ANKIB1: variants seen among roughly 807,000 people sequenced by gnomAD.
ANKIB1 encodes ankyrin repeat and IBR domain-containing protein 1.
A neutral mutation model predicts 122.1 loss-of-function variants in ANKIB1; 43 were observed. The observed-to-expected ratio is 0.35, with a 90% confidence interval of 0.28 to 0.45. ANKIB1 has a LOEUF of 0.45. Ranked by LOEUF, ANKIB1 falls within the 20% of genes least tolerant of loss-of-function variation. ANKIB1 has a pLI of 1.00. For synonymous variants in ANKIB1, 390 were observed against 442.0 expected, an observed-to-expected ratio of 0.88 and a Z score of 1.48; for missense variants, 992 against 1,329.5, an observed-to-expected ratio of 0.75 and a Z score of 3.95.
At chr7:92,304,513 G>A (rs1482990630) in intron 2 of ANKIB1, among the ~76,000 whole-genome samples, 1 of 152,006 alleles carries the variant, frequency 6.6e-6, no homozygotes, top group South Asian at 2.1e-4. Context: ...AAATTTCTTT[G>A]TGATAAGAAC....
At chr7:92,250,407 CAAT>C (rs753562308) in intron 1 of ANKIB1, among the ~76,000 whole-genome samples, 2 of 152,020 alleles carry the variant, frequency 1.3e-5, no homozygotes, top group Non-Finnish European at 2.9e-5. Context: ...ATAAATAAAT[CAAT>C]AAAGCAGATA....
At chr7:92,250,944 C>T (rs1205590236) in intron 1 of ANKIB1, among the ~76,000 whole-genome samples, 3 of 152,130 alleles carry the variant, frequency 2.0e-5, no homozygotes, top group Non-Finnish European at 4.4e-5. Flanking sequence ...ATGATTTTTA[C>T]TACTGGTTAT....
intron 6 of ANKIB1, among the ~76,000 whole-genome samples, chr7:92,344,539 G>C (rs1803500736): frequency 6.6e-6 from 1 of 152,038 alleles, no homozygotes; most frequent in African/African-American, 2.4e-5. Context: ...TCTCTCCCTG[G>C]AAAGTGTGGA....
intron 1 of ANKIB1, among the ~76,000 whole-genome samples, chr7:92,274,325 A>C (rs1167288930): frequency 6.6e-6 from 1 of 152,220 alleles, no homozygotes; most frequent in East Asian, 1.9e-4. Flanking sequence ...AGAAATTTAC[A>C]CAAAATATCA....
intron 11 of ANKIB1, among the ~76,000 whole-genome samples, chr7:92,384,034 A>G (rs1804579029): frequency 6.6e-6 from 1 of 152,228 alleles, no homozygotes; most frequent in African/African-American, 2.4e-5. Flanking sequence ...AGGCAACTTC[A>G]GCAAAGTCTC....
intron 9 of ANKIB1, among the ~76,000 whole-genome samples, chr7:92,358,514 C>T (rs1407027104): frequency 6.7e-6 from 1 of 148,608 alleles, no homozygotes; most frequent in Non-Finnish European, 1.5e-5. Context: ...CATTGATAAG[C>T]AATTACGGCT....
At chr7:92,251,045 G>A (rs1236336421) in intron 1 of ANKIB1, among the ~76,000 whole-genome samples, 1 of 152,132 alleles carries the variant, frequency 6.6e-6, no homozygotes, top group Non-Finnish European at 1.5e-5. Flanking sequence ...TCTTCAGTCT[G>A]ACATATAATT....
At chr7:92,332,128 C>T (rs1562784460) in intron 5 of ANKIB1, among the ~76,000 whole-genome samples, 1 of 152,154 alleles carries the variant, frequency 6.6e-6, no homozygotes, top group Non-Finnish European at 1.5e-5. Context: ...TTTCATTCCC[C>T]TATTAGGGCA....
At chr7:92,310,640 G>A (rs1802674666) in intron 3 of ANKIB1, among the ~76,000 whole-genome samples, 1 of 152,132 alleles carries the variant, frequency 6.6e-6, no homozygotes, top group African/African-American at 2.4e-5. Context: ...AAAATCCACA[G>A]ATGCTCAAAT....
intron 17 of ANKIB1, among the ~76,000 whole-genome samples, chr7:92,394,156 T>A (rs1314137172): frequency 2.0e-5 from 3 of 152,180 alleles, no homozygotes; most frequent in African/African-American, 7.2e-5. Flanking sequence ...ATCTTTACAA[T>A]GTGGATGGTG....
intron 6 of ANKIB1, among the ~76,000 whole-genome samples, chr7:92,344,485 GTGAGCCACCGCGCCCGGCC>G (rs2131977302): frequency 6.6e-6 from 1 of 152,158 alleles, no homozygotes; most frequent in African/African-American, 2.4e-5. Flanking sequence ...GATTACAGGT[GTGAGCCACCGCGCCCGGCC>G]TAATACTTAG....
chr7:92,292,346 T>C (rs1802266508), intron 1 of ANKIB1, among the ~76,000 whole-genome samples: 1 of 152,246 alleles, frequency 6.6e-6, no homozygotes, highest in African/African-American at 2.4e-5. Flanking sequence ...GTAACAGTAA[T>C]ATTTAATGCA....
chr7:92,255,892 G>T (rs1801434093), intron 1 of ANKIB1, among the ~76,000 whole-genome samples: 2 of 152,134 alleles, frequency 1.3e-5, no homozygotes, highest in African/African-American at 4.8e-5. Context: ...AAGGTGTTCT[G>T]TGTGCCAGTA....
chr7:92,346,538 C>G (rs1227846151), intron 7 of ANKIB1, among the ~76,000 whole-genome samples: 1 of 152,166 alleles, frequency 6.6e-6, no homozygotes, highest in African/African-American at 2.4e-5. Flanking sequence ...CTAGATTCTA[C>G]TCAGAGTCTA....
chr7:92,259,927 T>C (rs1801525473), intron 1 of ANKIB1, among the ~76,000 whole-genome samples: 2 of 152,164 alleles, frequency 1.3e-5, no homozygotes, highest in African/African-American at 4.8e-5. Context: ...AACTAAGAAT[T>C]CACCACCATC....
intron 9 of ANKIB1, among the ~76,000 whole-genome samples, chr7:92,359,269 T>TG (rs1803891079): frequency 6.6e-6 from 1 of 152,208 alleles, no homozygotes; most frequent in Admixed American, 6.5e-5. Context: ...CCCCACCCTG[T>TG]GTCCATGTGT....
intron 11 of ANKIB1, among the ~76,000 whole-genome samples, chr7:92,382,394 A>G (rs916241032): frequency 1.3e-5 from 2 of 152,242 alleles, no homozygotes; most frequent in African/African-American, 2.4e-5. Flanking sequence ...CAGACCTAAT[A>G]GACATCTACA....
chr7:92,288,857 A>G (rs1802191511), intron 1 of ANKIB1, among the ~76,000 whole-genome samples: 1 of 152,196 alleles, frequency 6.6e-6, no homozygotes, highest in East Asian at 1.9e-4. Flanking sequence ...AAGAAAAAAA[A>G]AAATCCTACT....
chr7:92,322,412 A>T (rs1188279854), intron 4 of ANKIB1, among the ~76,000 whole-genome samples: 1 of 152,122 alleles, frequency 6.6e-6, no homozygotes, highest in East Asian at 1.9e-4. Flanking sequence ...ATTGAAGTAT[A>T]CCAAAATGAT....
Sources: allele counts gnomAD v4.1 joint callset (sites outside exome capture counted in the v4.1 genomes callset), GRCh38; gene constraint gnomAD v4.1.1; transcripts MANE v1.5; gene names NCBI Gene and HGNC (gene_info 2026-07-23, HGNC 2026-07-21).